Variants in CHD5 observed in about 807,000 individuals in gnomAD.
CHD5 encodes the protein chromodomain helicase DNA binding protein 5, also known as ATP-dependent chromatin remodeler CHD5.
In CHD5, 69 loss-of-function variants were observed where a neutral mutation model predicts 230.3. The ratio of observed to expected loss-of-function variants is 0.30; its 90% CI spans 0.25 to 0.37. The LOEUF (loss-of-function observed/expected upper bound fraction) is 0.37, where lower values mean the gene tolerates loss of function less well. Ranked by LOEUF, CHD5 falls within the 10% of genes least tolerant of loss-of-function variation. The pLI is 1.00. For missense variants in CHD5, 1,827 were observed against 2,622.8 expected (o/e 0.70, Z 6.63); for synonymous variants, 1,064 against 1,065.9 (o/e 1.00, Z 0.03).
At chr1:6,127,498 A>G (rs747527946) in intron 25 of CHD5, among the ~76,000 whole-genome samples, 1 of 151,982 alleles carries the variant, frequency 6.6e-6, no homozygotes, top group African/African-American at 2.4e-5. Flanking sequence ...GAAAAAAAAA[A>G]AAAGAAAATT....
chr1:6,169,033 AAG>A (rs935434447), intron 1 of CHD5, among the ~76,000 whole-genome samples: 23 of 143,798 alleles, frequency 1.6e-4, no homozygotes, highest in African/African-American at 5.0e-4. Flanking sequence ...AAAAAAAAAA[AAG>A]AGAGAGAGAG....
intron 38 of CHD5, among the ~76,000 whole-genome samples, chr1:6,108,519 T>C (rs1330789663): frequency 8.0e-6 from 1 of 125,154 alleles, no homozygotes; most frequent in African/African-American, 3.2e-5. Flanking sequence ...ATGGAGATGA[T>C]GAAGGGATGA....
chr1:6,149,121 T>G, intron 8 of CHD5, 46 bp from the exon 9 acceptor site: 1 of 1,469,762 alleles, frequency 6.8e-7, no homozygotes, highest in South Asian at 1.4e-5. Context: ...GGGTCCCCGC[T>G]CCACCAGGCC....
chr1:6,119,552 TAAGA>T (rs968716670), intron 33 of CHD5, among the ~76,000 whole-genome samples: 8 of 152,160 alleles, frequency 5.3e-5, no homozygotes, highest in African/African-American at 1.9e-4. Flanking sequence ...TCTGGCATTA[TAAGA>T]AAGAGATTAA....
intron 37 of CHD5, 104 bp downstream of exon 37, chr1:6,110,290 A>G (rs1276149530): frequency 2.2e-5 from 29 of 1,333,938 alleles, no homozygotes; most frequent in Non-Finnish European, 3.0e-5. Flanking sequence ...TGACCCAGGT[A>G]CACGGGGAGG....
chr1:6,107,657 AAAAAT>A (rs1666210617), intron 38 of CHD5, among the ~76,000 whole-genome samples: 1 of 129,400 alleles, frequency 7.7e-6, no homozygotes, highest in Non-Finnish European at 1.6e-5. Flanking sequence ...GGGATGATGG[AAAAAT>A]GAAGGGATGA....
rs1052345395 is a variant in CHD5 at position 6,105,858 on chromosome 1, T to C, written c.*46+376A>G. Reference sequence around the variant, plus strand: ...TGAGGGTGTAAGACAAGATGTGATGTCTGCCACCAGCAGGACAGCAGGGGC... The same window carrying C: ...TGAGGGTGTAAGACAAGATGTGATGCCTGCCACCAGCAGGACAGCAGGGGC... On this transcript the variant is annotated intron_variant, in intron 41 of 41. Coordinates refer to ENST00000262450, the MANE Select transcript of CHD5 (RefSeq NM_015557.3). The surrounding 1 kb of genome is among the most constrained non-coding windows in gnomAD (Gnocchi z 4.8). Among the ~76,000 whole-genome samples, 6 of 152,226 alleles carry C rather than the reference T, an allele frequency of 3.9e-5. No individual in the cohort carries two copies. The highest frequency in any genetic ancestry group is 8.8e-5 in the Non-Finnish European group (6 of 68,044).
intron 33 of CHD5, among the ~76,000 whole-genome samples, chr1:6,117,907 C>T (rs1479146835): frequency 6.6e-6 from 1 of 152,062 alleles, no homozygotes; most frequent in Non-Finnish European, 1.5e-5. Context: ...AGAGAATTAC[C>T]ATATGATCCA....
intron 6 of CHD5, 125 bp downstream of exon 6, chr1:6,152,287 G>C: frequency 9.6e-7 from 1 of 1,038,130 alleles, no homozygotes; most frequent in Non-Finnish European, 1.4e-6. Context: ...GAGAATAGTG[G>C]AGGGGTGCGA....
intron 41 of CHD5, 149 bp downstream of exon 41, chr1:6,106,085 A>C: frequency 1.5e-6 from 1 of 689,254 alleles, no homozygotes; most frequent in Non-Finnish European, 2.5e-6. Flanking sequence ...GGCTCCAGGC[A>C]GGTGGGTGGC....
At chr1:6,136,692 G>A (rs376513812) in intron 16 of CHD5, 36 bp downstream of exon 16, 74 of 1,611,256 alleles carry the variant, frequency 4.6e-5, no homozygotes, top group East Asian at 2.7e-4. Context: ...CCCTCGCCCC[G>A]GGAAGCTCTG....
chr1:6,149,426 G>C lies in CHD5; in HGVS notation c.995-14C>G, dbSNP rs372358274. 1.3e-6 allele frequency: 2 copies of C among 1,593,256 alleles called. No homozygotes were observed. The highest frequency in any genetic ancestry group is 2.3e-5 in the South Asian group (2 of 88,640). Reference sequence around the variant, plus strand: ...CACCATCATCAACTAGGGTAGGGGAGAGGCAGTCATGGAAGTCCTCATCCA... The same window carrying C: ...CACCATCATCAACTAGGGTAGGGGACAGGCAGTCATGGAAGTCCTCATCCA... On this transcript the variant is annotated splice_polypyrimidine_tract_variant and intron_variant, in intron 7 of 41. Transcript: ENST00000262450.
intron 38 of CHD5, among the ~76,000 whole-genome samples, chr1:6,107,605 AGATAAAGGGAT>A (rs1666208765): frequency 1.6e-5 from 2 of 127,222 alleles, no homozygotes; most frequent in African/African-American, 5.8e-5. Flanking sequence ...GATGATGGAT[AGATAAAGGGAT>A]ATAGGGATGA....
chr1:6,156,367 T>C (rs1249412740), intron 3 of CHD5, among the ~76,000 whole-genome samples: 1 of 152,056 alleles, frequency 6.6e-6, no homozygotes, highest in African/African-American at 2.4e-5. Flanking sequence ...TGAAACCCTG[T>C]CTCTACTAAA....
rs964149198 is a variant in CHD5 at position 6,128,703 on chromosome 1, G to A, written c.3620-94C>T. ...AGAGACACCACCCTGGGCTGTCCTAGCCAGGAGATACAGGTGGGGGGTGCA... is the reference window on the plus strand; with the variant it reads ...AGAGACACCACCCTGGGCTGTCCTAACCAGGAGATACAGGTGGGGGGTGCA... On this transcript the variant is annotated intron_variant, in intron 23 of 41. Transcript: ENST00000262450. This position sits in a 1 kb window ranked among gnomAD's most constrained non-coding sequence, Gnocchi z 7.8. 9.2e-6 allele frequency: 12 copies of A among 1,299,378 alleles called. No homozygotes were observed. In the African/African-American group the frequency reaches 1.8e-4, roughly 19 times the overall value. The allele number at this position is 1,299,378 out of a possible 1,614,324, so 80.5% of individuals were successfully genotyped here. A position where few individuals can be genotyped will look rare whatever the true frequency, so the allele number is the denominator to read the frequency against.
chr1:6,167,394 G>A lies in CHD5; in HGVS notation c.207+756C>T, dbSNP rs917266067. 3.3e-5 allele frequency among the ~76,000 whole-genome samples: 5 copies of A among 152,156 alleles called. No homozygotes were observed. Among genetic ancestry groups the A allele is most frequent in the Admixed American group, 2.0e-4 (3 of 15,278 alleles). ...GGTCGCTTGGAGGATCAGAGGAGAC[G>A]CCCAGAAGGAAGCAGACAGCATATG... On this transcript the variant is annotated intron_variant, in intron 2 of 41. Transcript: ENST00000262450. This position sits in a 1 kb window ranked among gnomAD's most constrained non-coding sequence, Gnocchi z 4.5.
chr1:6,152,639 T>C, intron 5 of CHD5, 103 bp from the exon 6 acceptor site: 2 of 1,559,448 alleles, frequency 1.3e-6, no homozygotes, highest in Non-Finnish European at 1.7e-6. Context: ...GAAAGGGTCA[T>C]TTCTACCATC....
rs528765032 is a variant in CHD5, at chr1:6,143,810, C to G, written c.2043+13G>C. The G allele has an allele frequency of 5.0e-6, 8 of 1,604,054 alleles. No individual in the cohort carries two copies. The Admixed American group carries it at 1.0e-4, about 20-fold the overall frequency. ...GCAACCCCACCCACTGCTGCCCCACCCTCCCCACTCACGTCCACAATGGGC... is the reference window on the plus strand; with the variant it reads ...GCAACCCCACCCACTGCTGCCCCACGCTCCCCACTCACGTCCACAATGGGC... On this transcript the variant is annotated intron_variant, in intron 13 of 41. Transcript: ENST00000262450.
At position 6,170,920 on chromosome 1, in the gene CHD5, C is replaced by T. The variant is rs572032540; in HGVS notation, c.80-2643G>A. Among the ~76,000 whole-genome samples the T allele has an allele frequency of 8.5e-5, 13 of 152,314 alleles. 1 individual carries two copies. In the South Asian group the frequency reaches 2.3e-3, roughly 27 times the overall value. On this transcript the variant is annotated intron_variant, in intron 1 of 41. Transcript: ENST00000262450. ...AGTCCACAACTGCCCGCTCTGCCACCGGGCCTCCGCCTCCCCCGCCACCGC... is the reference window on the plus strand; with the variant it reads ...AGTCCACAACTGCCCGCTCTGCCACTGGGCCTCCGCCTCCCCCGCCACCGC...
Sources: gnomAD v4.1 joint callset for allele counts (sites outside exome capture counted in the v4.1 genomes callset) on GRCh38, gnomAD v4.1.1 for gene constraint, Gnocchi (gnomAD v3.1) non-coding constraint, MANE v1.5 for transcripts, NCBI Gene and HGNC (gene_info 2026-07-23, HGNC 2026-07-21) for gene names.